CNTN5: variants seen among roughly 807,000 people sequenced by gnomAD.
CNTN5 encodes contactin 5, also known as contactin-5.
Under a neutral mutation model 129.1 loss-of-function variants are expected in CNTN5, and 77 were observed. That is an observed-to-expected ratio of 0.60 (90% CI 0.50 to 0.72). CNTN5 has a LOEUF of 0.72. Ranked by LOEUF, CNTN5 falls within the 30% of genes least tolerant of loss-of-function variation. The pLI is 0.00. For missense variants in CNTN5, 1,478 were observed against 1,328.8 expected (o/e 1.11, Z -1.75); for synonymous variants, 509 against 465.6 (o/e 1.09, Z -1.20).
chr11:99,899,018 C>A (rs764773802), intron 6 of CNTN5, among the ~76,000 whole-genome samples: 1 of 151,832 alleles, frequency 6.6e-6, no homozygotes, highest in Non-Finnish European at 1.5e-5. Context: ...TAATTTGGTT[C>A]TCAGCTTGAA....
At chr11:99,689,759 C>A (rs1460420702) in intron 3 of CNTN5, among the ~76,000 whole-genome samples, 11 of 151,914 alleles carry the variant, frequency 7.2e-5, no homozygotes, top group African/African-American at 2.4e-4. Flanking sequence ...TGTCCTTTGG[C>A]CACTTTTCAA....
intron 1 of CNTN5, among the ~76,000 whole-genome samples, chr11:99,310,935 ATTATT>A (rs1314525989): frequency 4.9e-5 from 2 of 41,204 alleles, no homozygotes; most frequent in African/African-American, 1.5e-4. Flanking sequence ...TTGATTATTT[ATTATT>A]TTTTTTTTTG....
chr11:100,158,295 C>A (rs1313498306), intron 13 of CNTN5, among the ~76,000 whole-genome samples: 2 of 151,782 alleles, frequency 1.3e-5, no homozygotes, highest in East Asian at 3.9e-4. Flanking sequence ...TTGTAAGATG[C>A]ATAAGTTCTG....
chr11:99,179,371 G>C (rs1857934370), intron 1 of CNTN5, among the ~76,000 whole-genome samples: 1 of 152,090 alleles, frequency 6.6e-6, no homozygotes, highest in African/African-American at 2.4e-5. Context: ...GAACCTGGGA[G>C]GCAGAGGTTA....
At chr11:100,260,864 C>T (rs1405653876) in intron 17 of CNTN5, among the ~76,000 whole-genome samples, 1 of 152,168 alleles carries the variant, frequency 6.6e-6, no homozygotes, top group Non-Finnish European at 1.5e-5. Flanking sequence ...AAACTGGAAG[C>T]ATCCCCTTTG....
chr11:99,766,373 A>T (rs1944755297), intron 3 of CNTN5, among the ~76,000 whole-genome samples: 1 of 152,024 alleles, frequency 6.6e-6, no homozygotes, highest in Non-Finnish European at 1.5e-5. Context: ...CAAGATAGAA[A>T]GTTTTATGTG....
chr11:99,308,340 A>G (rs1374013417), intron 1 of CNTN5, among the ~76,000 whole-genome samples: 1 of 152,220 alleles, frequency 6.6e-6, no homozygotes, highest in South Asian at 2.1e-4. Flanking sequence ...GTTGTAATAT[A>G]GGTATAGTAC....
intron 4 of CNTN5, among the ~76,000 whole-genome samples, chr11:99,828,509 A>C (rs1254360832): frequency 6.6e-6 from 1 of 152,208 alleles, no homozygotes; most frequent in Non-Finnish European, 1.5e-5. Context: ...CACCTCTTAA[A>C]GTCCCACCTC....
At chr11:99,104,443 C>T (rs2135361663) in intron 1 of CNTN5, among the ~76,000 whole-genome samples, 1 of 152,022 alleles carries the variant, frequency 6.6e-6, no homozygotes, top group Admixed American at 6.6e-5. Flanking sequence ...GTACAAAGTT[C>T]CAGTTAGATA....
At chr11:99,886,663 A>C (rs1340901556) in intron 6 of CNTN5, among the ~76,000 whole-genome samples, 2 of 152,186 alleles carry the variant, frequency 1.3e-5, no homozygotes, top group African/African-American at 2.4e-5. Context: ...AATACTAGTA[A>C]TGACGCTAGT....
At chr11:99,985,256 A>G (rs1220639079) in intron 8 of CNTN5, among the ~76,000 whole-genome samples, 1 of 152,112 alleles carries the variant, frequency 6.6e-6, no homozygotes, top group African/African-American at 2.4e-5. Context: ...CAGACACTTG[A>G]AGGATGGCAA....
At chr11:99,831,918 A>G (rs1029293896) in intron 4 of CNTN5, among the ~76,000 whole-genome samples, 1 of 152,186 alleles carries the variant, frequency 6.6e-6, no homozygotes, top group African/African-American at 2.4e-5. Context: ...CTTCTCGTGT[A>G]GTCAGAAGAG....
chr11:99,826,271 A>G (rs1946954732), intron 4 of CNTN5, among the ~76,000 whole-genome samples: 1 of 152,114 alleles, frequency 6.6e-6, no homozygotes, highest in African/African-American at 2.4e-5. Flanking sequence ...TCTTATAATG[A>G]CATTTTGAGG....
chr11:100,316,097 C>T (rs189629624), intron 21 of CNTN5, among the ~76,000 whole-genome samples: 10 of 152,298 alleles, frequency 6.6e-5, no homozygotes, highest in African/African-American at 2.4e-4. Flanking sequence ...AGCAGAGTCC[C>T]TCAAGCTTTT....
At chr11:100,022,129 C>G (rs904848138) in intron 9 of CNTN5, among the ~76,000 whole-genome samples, 1 of 152,204 alleles carries the variant, frequency 6.6e-6, no homozygotes, top group Non-Finnish European at 1.5e-5. Flanking sequence ...CACCCAGATA[C>G]ACCCAGAAAC....
At chr11:100,043,607 C>T (rs1024941371) in intron 9 of CNTN5, among the ~76,000 whole-genome samples, 1 of 152,102 alleles carries the variant, frequency 6.6e-6, no homozygotes, top group African/African-American at 2.4e-5. Context: ...TGTAAAGTTC[C>T]ACTCATTTGC....
intron 2 of CNTN5, among the ~76,000 whole-genome samples, chr11:99,415,800 G>A (rs886102534): frequency 6.6e-5 from 10 of 152,166 alleles, no homozygotes; most frequent in Middle Eastern, 3.4e-3. Context: ...TTCCATTAAC[G>A]TAACTTGCAT....
At chr11:99,546,936 AGT>A (rs908219398) in intron 2 of CNTN5, among the ~76,000 whole-genome samples, 1 of 151,774 alleles carries the variant, frequency 6.6e-6, no homozygotes, top group Non-Finnish European at 1.5e-5. Context: ...TATAGGGAAG[AGT>A]GTGAGTGTGA....
chr11:99,770,072 G>C (rs890702474), intron 3 of CNTN5, among the ~76,000 whole-genome samples: 2 of 151,926 alleles, frequency 1.3e-5, no homozygotes, highest in Admixed American at 6.6e-5. Flanking sequence ...TTCTCTTTCT[G>C]TTCCTGGAAC....
Sources: allele counts gnomAD v4.1 joint callset (sites outside exome capture counted in the v4.1 genomes callset), GRCh38; gene constraint gnomAD v4.1.1; transcripts MANE v1.5; gene names NCBI Gene and HGNC (gene_info 2026-07-23, HGNC 2026-07-21).